Variants in CACNA1C observed in about 807,000 individuals in gnomAD.
The protein encoded by CACNA1C is voltage-dependent L-type calcium channel subunit alpha-1C.
A neutral mutation model predicts 229.0 loss-of-function variants in CACNA1C; 30 were observed. The ratio of observed to expected loss-of-function variants is 0.13; its 90% CI spans 0.10 to 0.18. The LOEUF (loss-of-function observed/expected upper bound fraction) is 0.18, where lower values mean the gene tolerates loss of function less well. Ranked by LOEUF, CACNA1C falls within the 10% of genes least tolerant of loss-of-function variation. The probability of loss-of-function intolerance (pLI) is 1.00; values close to 1 mark genes in which losing one functional copy is unlikely to be tolerated. For missense variants in CACNA1C, 1,658 were observed against 2,845.0 expected (o/e 0.58, Z 9.49); for synonymous variants, 1,114 against 1,132.5 (o/e 0.98, Z 0.33).
intron 3 of CACNA1C, among the ~76,000 whole-genome samples, chr12:2,121,345 T>G (rs1471663160): frequency 2.0e-5 from 3 of 152,234 alleles, no homozygotes; most frequent in Non-Finnish European, 4.4e-5. Context: ...TATAGGATTC[T>G]CCTTTCCACA....
At chr12:2,010,553 C>T (rs2044228674) in intron 1 of CACNA1C, among the ~76,000 whole-genome samples, 1 of 152,152 alleles carries the variant, frequency 6.6e-6, no homozygotes, top group African/African-American at 2.4e-5. Context: ...GGAGAGATCA[C>T]TCTTGAATTG....
intron 9 of CACNA1C, among the ~76,000 whole-genome samples, chr12:2,534,872 C>T (rs750026856): frequency 6.6e-6 from 1 of 152,068 alleles, no homozygotes; most frequent in Admixed American, 6.6e-5. Flanking sequence ...ATTTTTTCTT[C>T]TACTGTTCTC....
chr12:2,080,666 A>G (rs762823211), intron 1 of CACNA1C, among the ~76,000 whole-genome samples: 2 of 152,150 alleles, frequency 1.3e-5, no homozygotes, highest in Non-Finnish European at 2.9e-5. Context: ...TAATAGTGCT[A>G]TATGAAAAAG....
chr12:2,078,707 G>T (rs1001659429), intron 1 of CACNA1C, among the ~76,000 whole-genome samples: 8 of 152,144 alleles, frequency 5.3e-5, no homozygotes, highest in Non-Finnish European at 1.2e-4. Flanking sequence ...CGCTTATCGT[G>T]GAAGTCGGTG....
intron 45 of CACNA1C, among the ~76,000 whole-genome samples, chr12:2,686,615 C>G (rs2097515311): frequency 6.6e-6 from 1 of 152,230 alleles, no homozygotes; most frequent in Non-Finnish European, 1.5e-5. Context: ...TCAGGGCACT[C>G]AGGAAGATGT....
At chr12:2,060,957 C>T (rs1320728918) in intron 1 of CACNA1C, among the ~76,000 whole-genome samples, 1 of 152,202 alleles carries the variant, frequency 6.6e-6, no homozygotes, top group African/African-American at 2.4e-5. Context: ...ATATTCCTTT[C>T]TTTCTTCCAA....
In CACNA1C at chr12:2,168,262, G is replaced by A. The variant is rs549264369; in HGVS notation, c.477+47832G>A. Among the ~76,000 whole-genome samples the A allele has an allele frequency of 3.9e-5, 6 of 152,314 alleles. No individual in the cohort carries two copies. The South Asian group carries it at 1.2e-3, about 32-fold the overall frequency. ...CACAACTGTTCTTAGAAACATTGCT[G>A]GGCATCTGTATGAAGGATGAATCAA... is the stretch of plus-strand genomic sequence containing the variant. On this transcript the variant is annotated intron_variant, in intron 3 of 46. Transcript: ENST00000399655.
At position 2,293,076 on chromosome 12, in the gene CACNA1C, G is replaced by A. The variant is rs1009316331; in HGVS notation, c.478-155900G>A. On this transcript the variant is annotated intron_variant, in intron 3 of 46. Coordinates refer to ENST00000399655, the MANE Select transcript of CACNA1C (RefSeq NM_000719.7). ...TTGTGTGTATTATTTGGTTGTTCAC[G>A]GGGAATCTTGTAAAATCTGAGGCCT... Among the ~76,000 whole-genome samples, 6 of 152,220 alleles carry A rather than the reference G, an allele frequency of 3.9e-5. No homozygotes were observed. The East Asian group carries it at 7.7e-4, about 20-fold the overall frequency.
intron 9 of CACNA1C, among the ~76,000 whole-genome samples, chr12:2,518,169 T>C (rs953672014): frequency 6.6e-6 from 1 of 152,198 alleles, no homozygotes; most frequent in Non-Finnish European, 1.5e-5. Flanking sequence ...GATCACATAT[T>C]ACTGAGACAG....
At chr12:2,170,306 C>CCTCT (rs914973785) in intron 3 of CACNA1C, among the ~76,000 whole-genome samples, 1 of 152,152 alleles carries the variant, frequency 6.6e-6, no homozygotes, top group Non-Finnish European at 1.5e-5. Flanking sequence ...GGGGATAAGC[C>CCTCT]CTCTACTCTG....
chr12:2,646,787 A>AGAGAGAGAGT lies in CACNA1C; in HGVS notation c.3913-1685_3913-1684insAGAGAGTGAG, dbSNP rs2094416641. Among the ~76,000 whole-genome samples the AGAGAGAGAGT allele has an allele frequency of 7.3e-6, 1 of 137,726 alleles. No individual in the cohort carries two copies. The highest frequency in any genetic ancestry group is 2.1e-4 in the East Asian group (1 of 4,714). The allele number at this position is 137,726 out of a possible 152,430, so 90.4% of individuals were successfully genotyped here. A position where few individuals can be genotyped will look rare whatever the true frequency, so the allele number is the denominator to read the frequency against. On this transcript the variant is annotated intron_variant, in intron 30 of 46. Coordinates refer to ENST00000399655, the MANE Select transcript of CACNA1C (RefSeq NM_000719.7). The surrounding 1 kb of genome is among the most constrained non-coding windows in gnomAD (Gnocchi z 4.6). Reference sequence around the variant, plus strand: ...GAGAGAAAGAGAGAGAGAGAGAGAGAGAGTGTGTGTGTGCGCGTGTGTGTG... The same window carrying AGAGAGAGAGT: ...GAGAGAAAGAGAGAGAGAGAGAGAGAGAGAGAGAGTGAGTGTGTGTGTGCGCGTGTGTGTG...
chr12:2,355,266 T>C (rs923015362), intron 3 of CACNA1C, among the ~76,000 whole-genome samples: 11 of 152,148 alleles, frequency 7.2e-5, no homozygotes, highest in African/African-American at 2.7e-4. Context: ...TGATGTTCAC[T>C]GACATGTGGC....
chr12:2,311,213 C>G (rs2095419960), intron 3 of CACNA1C, among the ~76,000 whole-genome samples: 1 of 152,216 alleles, frequency 6.6e-6, no homozygotes, highest in Non-Finnish European at 1.5e-5. Context: ...AACTCTGGTT[C>G]TTTGAGCAAA....
chr12:2,301,641 T>C lies in CACNA1C; in HGVS notation c.478-147335T>C, dbSNP rs559086637. 3.5e-4 allele frequency among the ~76,000 whole-genome samples: 53 copies of C among 152,304 alleles called. 1 individual carries two copies. Among genetic ancestry groups the C allele is most frequent in the African/African-American group, 1.3e-3 (52 of 41,566 alleles). On this transcript the variant is annotated intron_variant, in intron 3 of 46. Coordinates refer to ENST00000399655, the MANE Select transcript of CACNA1C (RefSeq NM_000719.7). ...GGCCTGCAAACTGTCTTGACCACAG[T>C]ACCCTTCTCACATAGTCCCTGTGAA...
At chr12:2,074,303 T>C (rs1756899629) in intron 1 of CACNA1C, among the ~76,000 whole-genome samples, 1 of 152,136 alleles carries the variant, frequency 6.6e-6, no homozygotes, top group Admixed American at 6.5e-5. Context: ...CCTGAAGGAG[T>C]CTGCAAATAA....
intron 3 of CACNA1C, among the ~76,000 whole-genome samples, chr12:2,414,476 G>A (rs1173615341): frequency 6.6e-6 from 1 of 152,200 alleles, no homozygotes; most frequent in Non-Finnish European, 1.5e-5. Flanking sequence ...GAAGGGAAGG[G>A]AAGGACCTGG....
At chr12:2,481,603 C>A (rs10848664) in intron 5 of CACNA1C, among the ~76,000 whole-genome samples, 94,355 of 152,122 alleles carry the variant, frequency 0.62, 29,841 homozygotes, top group East Asian at 0.88. Flanking sequence ...AGTCTTTCCA[C>A]CCGCCAAGAG....
chr12:2,665,015 C>A lies in CACNA1C; in HGVS notation c.4398+25C>A. ...GGTAAGCCAAGGGGGAACTCAACAG[C>A]CAGCAGCCATGACTGCCCAGTTCCA... is the stretch of plus-strand genomic sequence containing the variant. On this transcript the variant is annotated intron_variant, in intron 35 of 46. Transcript: ENST00000399655. The surrounding 1 kb of genome is among the most constrained non-coding windows in gnomAD (Gnocchi z 5.9). The A allele has an allele frequency of 1.9e-6, 3 of 1,612,814 alleles. No individual in the cohort carries two copies. Among genetic ancestry groups the A allele is most frequent in the East Asian group, 4.5e-5 (2 of 44,890 alleles).
At chr12:1,995,001 G>A (rs1183753362) in intron 1 of CACNA1C, among the ~76,000 whole-genome samples, 1 of 148,136 alleles carries the variant, frequency 6.8e-6, no homozygotes, top group African/African-American at 2.5e-5. Flanking sequence ...TTTTTGTTTT[G>A]CAGGGGATAA....
Sources: allele counts gnomAD v4.1 joint callset (sites outside exome capture counted in the v4.1 genomes callset), GRCh38; gene constraint gnomAD v4.1.1; non-coding constraint Gnocchi (gnomAD v3.1); transcripts MANE v1.5; gene names NCBI Gene and HGNC (gene_info 2026-07-23, HGNC 2026-07-21).